Variants in DOCK1 observed in about 807,000 individuals in gnomAD.
DOCK1 encodes dedicator of cytokinesis protein 1.
In DOCK1, 138 loss-of-function variants were observed where a neutral mutation model predicts 262.7. That is an observed-to-expected ratio of 0.53 (90% CI 0.46 to 0.61). The LOEUF (loss-of-function observed/expected upper bound fraction) is 0.61. DOCK1 is among the 20% of genes least tolerant of loss of function. The probability of loss-of-function intolerance (pLI) is 0.00; values close to 1 mark genes in which losing one functional copy is unlikely to be tolerated. For missense variants in DOCK1, 1,908 were observed against 2,370.7 expected, an observed-to-expected ratio of 0.80 and a Z score of 4.05; for synonymous variants, 866 against 867.4, an observed-to-expected ratio of 1.00 and a Z score of 0.03.
intron 27 of DOCK1, among the ~76,000 whole-genome samples, chr10:127,195,661 G>A (rs1234512893): frequency 6.6e-6 from 1 of 152,066 alleles, no homozygotes; most frequent in Non-Finnish European, 1.5e-5. Flanking sequence ...GCTGTCGGGC[G>A]CTCACGAAGC....
intron 31 of DOCK1, among the ~76,000 whole-genome samples, chr10:127,347,778 C>T (rs1384263343): frequency 6.7e-6 from 1 of 149,628 alleles, no homozygotes; most frequent in Non-Finnish European, 1.5e-5. Context: ...GTCTCTTACT[C>T]TAGGGCTTGT....
At chr10:127,426,558 T>A (rs1591008535) in intron 47 of DOCK1, among the ~76,000 whole-genome samples, 1 of 152,172 alleles carries the variant, frequency 6.6e-6, no homozygotes, top group Non-Finnish European at 1.5e-5. Flanking sequence ...CCAAGGAAGA[T>A]AAGCCAGATG....
intron 27 of DOCK1, among the ~76,000 whole-genome samples, chr10:127,207,075 C>A (rs979437420): frequency 1.3e-5 from 2 of 152,046 alleles, no homozygotes; most frequent in Non-Finnish European, 2.9e-5. Context: ...AGAATAGGAC[C>A]GCAATTGCCA....
chr10:127,266,443 A>G (rs1489381420), intron 29 of DOCK1, among the ~76,000 whole-genome samples: 1 of 151,634 alleles, frequency 6.6e-6, no homozygotes, highest in Admixed American at 6.6e-5. Flanking sequence ...AGTATACAGC[A>G]GTTGTTGACA....
At chr10:127,206,259 T>A (rs191205587) in intron 27 of DOCK1, among the ~76,000 whole-genome samples, 4,099 of 143,964 alleles carry the variant, frequency 0.028, 210 homozygotes, top group African/African-American at 0.098. Flanking sequence ...TTCTGGTGCC[T>A]CAGCCTCCCG....
intron 27 of DOCK1, among the ~76,000 whole-genome samples, chr10:127,216,104 C>G (rs1471083172): frequency 6.6e-6 from 1 of 151,988 alleles, no homozygotes; most frequent in Non-Finnish European, 1.5e-5. Context: ...TCCCTGATCC[C>G]CAGGAGGTAG....
intron 23 of DOCK1, among the ~76,000 whole-genome samples, chr10:127,072,763 C>G (rs917279531): frequency 6.6e-6 from 1 of 152,170 alleles, no homozygotes; most frequent in Non-Finnish European, 1.5e-5. Context: ...TCTTAGGATC[C>G]TCCCAGCACT....
intron 27 of DOCK1, among the ~76,000 whole-genome samples, chr10:127,193,403 G>A (rs2056886333): frequency 6.6e-6 from 1 of 152,144 alleles, no homozygotes; most frequent in Non-Finnish European, 1.5e-5. Context: ...TAAAATCCGT[G>A]GTGAACCTGT....
At chr10:127,020,618 CAT>C (rs1484163821) in intron 13 of DOCK1, among the ~76,000 whole-genome samples, 1 of 151,760 alleles carries the variant, frequency 6.6e-6, no homozygotes, top group Non-Finnish European at 1.5e-5. Context: ...ATGATAGATT[CAT>C]AGGGAAATGA....
rs569493831 is a variant in DOCK1, at chr10:127,273,304, C to T, written c.3044+15875C>T. 2.5e-4 allele frequency among the ~76,000 whole-genome samples: 38 copies of T among 152,262 alleles called. No homozygotes were observed. The East Asian group carries it at 5.8e-3, about 23-fold the overall frequency. On this transcript the variant is annotated intron_variant, in intron 29 of 51. Transcript: ENST00000623213. ...CTTTGAGGAGCTTCCCAGCATTCAC[C>T]CTTCACCCTTTTGCTGTGTGCCTTC...
chr10:127,188,876 A>G (rs1049838162), intron 27 of DOCK1, among the ~76,000 whole-genome samples: 1 of 152,258 alleles, frequency 6.6e-6, no homozygotes, highest in African/African-American at 2.4e-5. Context: ...AAACAGAGGC[A>G]CAGGTAGTGG....
intron 1 of DOCK1, among the ~76,000 whole-genome samples, chr10:126,931,205 G>A (rs2034162162): frequency 6.6e-6 from 1 of 152,188 alleles, no homozygotes; most frequent in Admixed American, 6.5e-5. Flanking sequence ...TTCACTGCAA[G>A]CCTCTCATGA....
intron 1 of DOCK1, among the ~76,000 whole-genome samples, chr10:126,962,631 C>G (rs1008172771): frequency 1.5e-4 from 23 of 152,312 alleles, no homozygotes; most frequent in Admixed American, 5.2e-4. Flanking sequence ...GATACCATTC[C>G]CTTAACAGAT....
chr10:127,411,275 G>A (rs1185142441), intron 43 of DOCK1, among the ~76,000 whole-genome samples: 3 of 152,094 alleles, frequency 2.0e-5, no homozygotes, highest in East Asian at 1.9e-4. Flanking sequence ...GCTGAGGTGC[G>A]GGGTGCTGAC....
chr10:127,259,075 G>A (rs1390735883), intron 29 of DOCK1, among the ~76,000 whole-genome samples: 1 of 152,174 alleles, frequency 6.6e-6, no homozygotes, highest in Non-Finnish European at 1.5e-5. Context: ...CGCGTCAGAT[G>A]TTACTGAGCT....
chr10:127,370,673 A>G (rs1179348981), intron 33 of DOCK1, among the ~76,000 whole-genome samples: 1 of 152,238 alleles, frequency 6.6e-6, no homozygotes, highest in Non-Finnish European at 1.5e-5. Flanking sequence ...AGTGAGTGGT[A>G]AAAGCAGTGT....
At chr10:127,335,730 C>A (rs1443654596) in intron 29 of DOCK1, among the ~76,000 whole-genome samples, 2 of 116,486 alleles carry the variant, frequency 1.7e-5, no homozygotes, top group African/African-American at 3.3e-5. Context: ...TTTTTTTTTT[C>A]TTGAGATGGA....
Position 127,110,308 on chromosome 10 carries a change from C to A in DOCK1, c.2577C>A (p.Leu859=), listed in dbSNP as rs1301675032. The change falls in exon 25 of 52, where the codon CTC becomes CTA. Residue 859 remains leucine, a synonymous_variant. Transcript: ENST00000623213. Reference sequence around the variant, plus strand: ...TGGGCTTGCTGACCATCCAGAAACTCTACTGCTTGATCGAAATCGTCCACA... The same window carrying A: ...TGGGCTTGCTGACCATCCAGAAACTATACTGCTTGATCGAAATCGTCCACA... The part of the protein sequence containing the change: ...VPMGLLTIQK[L]YCLIEIVHSD... The A allele has an allele frequency of 6.2e-7, 1 of 1,613,710 alleles. No individual in the cohort carries two copies. The highest frequency in any genetic ancestry group is 1.7e-5 in the Admixed American group (1 of 59,998).
At chr10:127,242,764 T>C (rs2059306608) in intron 27 of DOCK1, among the ~76,000 whole-genome samples, 1 of 152,202 alleles carries the variant, frequency 6.6e-6, no homozygotes, top group Non-Finnish European at 1.5e-5. Context: ...AATTTAAGCA[T>C]TTGAGTGAGA....
Sources: gnomAD v4.1 joint callset for allele counts (sites outside exome capture counted in the v4.1 genomes callset) on GRCh38, gnomAD v4.1.1 for gene constraint, MANE v1.5 for transcripts, NCBI Gene and HGNC (gene_info 2026-07-23, HGNC 2026-07-21) for gene names.